The following MARK2 variants were observed in gnomAD, a reference collection of about 807,000 sequenced individuals.
MARK2 encodes the protein microtubule affinity regulating kinase 2, also known as serine/threonine-protein kinase MARK2.
In MARK2, 16 loss-of-function variants were observed where a neutral mutation model predicts 89.8. The ratio of observed to expected loss-of-function variants is 0.18; its 90% CI spans 0.12 to 0.27. The LOEUF (loss-of-function observed/expected upper bound fraction) is 0.27, where lower values mean the gene tolerates loss of function less well. MARK2 is among the 10% of genes least tolerant of loss of function. The probability of loss-of-function intolerance (pLI) is 1.00; values close to 1 mark genes in which losing one functional copy is unlikely to be tolerated. For synonymous variants in MARK2, 382 were observed against 399.5 expected (o/e 0.96, Z 0.52); for missense variants, 621 against 1,049.9 (o/e 0.59, Z 5.65).
At chr11:63,846,367 T>G (rs1046216611) in intron 1 of MARK2, among the ~76,000 whole-genome samples, 1 of 151,966 alleles carries the variant, frequency 6.6e-6, no homozygotes, top group Admixed American at 6.6e-5. Flanking sequence ...AAAAAAATTT[T>G]TTTTTTGAGA....
At chr11:63,883,120 C>T (rs907377107) in intron 1 of MARK2, among the ~76,000 whole-genome samples, 2 of 152,184 alleles carry the variant, frequency 1.3e-5, no homozygotes, top group African/African-American at 4.8e-5. Context: ...TCCCTCAGCC[C>T]TTGGCACCAT....
At chr11:63,858,566 G>A (rs1239889021) in intron 1 of MARK2, among the ~76,000 whole-genome samples, 1 of 151,394 alleles carries the variant, frequency 6.6e-6, no homozygotes, top group Non-Finnish European at 1.5e-5. Flanking sequence ...TGTTGTTCAG[G>A]CTGGTCTCGA....
chr11:63,894,670 T>A (rs1316145934), intron 1 of MARK2, among the ~76,000 whole-genome samples: 1 of 152,178 alleles, frequency 6.6e-6, no homozygotes, highest in African/African-American at 2.4e-5. Context: ...CACTCCAGCC[T>A]GGGCAACAAG....
At chr11:63,888,694 G>C in intron 1 of MARK2, 1 of 1,186,282 alleles carries the variant, frequency 8.4e-7, no homozygotes. Context: ...GCCAAACCCA[G>C]TCTCTCTGCT....
At chr11:63,889,850 C>T (rs1225296682) in intron 1 of MARK2, among the ~76,000 whole-genome samples, 2 of 152,204 alleles carry the variant, frequency 1.3e-5, no homozygotes, top group Admixed American at 6.5e-5. Flanking sequence ...TCCTTTAGGG[C>T]CTGTCTAGAG....
chr11:63,888,466 GTGGGGCTGCCC>G, intron 1 of MARK2: 2 of 971,872 alleles, frequency 2.1e-6, no homozygotes, highest in Non-Finnish European at 2.5e-6. Flanking sequence ...CTTGGGGAGG[GTGGGGCTGCCC>G]ACTTCCGGGG....
At position 63,899,123 on chromosome 11, in the gene MARK2, TCTC is replaced by T. The variant is rs756746620; in HGVS notation, c.531+18_531+20del. 3 of 1,586,312 alleles carry T rather than the reference TCTC, an allele frequency of 1.9e-6. No individual in the cohort carries two copies. The highest frequency in any genetic ancestry group is 1.7e-5 in the Admixed American group (1 of 60,006). On this transcript the variant is annotated intron_variant, in intron 7 of 18. Coordinates refer to ENST00000402010, the MANE Select transcript of MARK2 (RefSeq NM_001039469.3). Reference sequence around the variant, plus strand: ...GAGACTTAAAGGTAAGGCATGCACTTCTCCTTGTGCCTTTGAGTGGGAGCCAGG... The same window carrying T: ...GAGACTTAAAGGTAAGGCATGCACTTCTTGTGCCTTTGAGTGGGAGCCAGG...
At chr11:63,870,487 G>A (rs550206804) in intron 1 of MARK2, among the ~76,000 whole-genome samples, 5 of 152,164 alleles carry the variant, frequency 3.3e-5, no homozygotes, top group Admixed American at 6.5e-5. Context: ...CGAGAAAAGC[G>A]AGAAGACTCT....
At chr11:63,840,404 G>C (rs1484403476) in intron 1 of MARK2, among the ~76,000 whole-genome samples, 1 of 152,086 alleles carries the variant, frequency 6.6e-6, no homozygotes, top group Non-Finnish European at 1.5e-5. Flanking sequence ...GTTTCTCTCT[G>C]TGAGTGTTCT....
intron 1 of MARK2, chr11:63,889,060 C>T (rs1939609678): frequency 2.2e-6 from 2 of 898,330 alleles, no homozygotes; most frequent in Non-Finnish European, 3.2e-6. Flanking sequence ...AAGGGGCGCC[C>T]TGCCTGAGTC....
At chr11:63,889,826 A>G (rs188518485) in intron 1 of MARK2, among the ~76,000 whole-genome samples, 1 of 152,302 alleles carries the variant, frequency 6.6e-6, no homozygotes, top group Admixed American at 6.5e-5. Flanking sequence ...TCTACTCTTG[A>G]CAGACCTCCT....
At chr11:63,842,459 G>GC (rs1451242510) in intron 1 of MARK2, among the ~76,000 whole-genome samples, 1 of 151,788 alleles carries the variant, frequency 6.6e-6, no homozygotes, top group African/African-American at 2.4e-5. Context: ...TCGTGATCCG[G>GC]CCTCCCAAAG....
chr11:63,901,473 CTTTTTTTTTT>C (rs35231498), intron 11 of MARK2, among the ~76,000 whole-genome samples: 2 of 57,696 alleles, frequency 3.5e-5, no homozygotes, highest in African/African-American at 8.0e-5. Context: ...GAGTCTGTTG[CTTTTTTTTTT>C]TTTTTTTTTT....
rs540924870 is a variant in MARK2 at position 63,909,247 on chromosome 11, A to G, written c.*10A>G. ...CGAGCTGAAGCTTTAACAGGCTGCC[A>G]GGAGCGGGGGCGGCGGGGGCGGGCC... is the stretch of plus-strand genomic sequence containing the variant. On this transcript the variant is annotated 3_prime_UTR_variant, in exon 19 of 19. Coordinates refer to ENST00000402010, the MANE Select transcript of MARK2 (RefSeq NM_001039469.3). The G allele has an allele frequency of 3.8e-6, 6 of 1,577,640 alleles. No homozygotes were observed. In the Admixed American group the frequency reaches 5.1e-5, roughly 13 times the overall value.
chr11:63,889,181 C>G (rs959897766), intron 1 of MARK2, among the ~76,000 whole-genome samples: 1 of 152,094 alleles, frequency 6.6e-6, no homozygotes, highest in African/African-American at 2.4e-5. Context: ...AGCAGCTTGA[C>G]AAGTGGGCGA....
chr11:63,849,820 G>T (rs2016475731), intron 1 of MARK2: 1 of 152,204 alleles, frequency 6.6e-6, no homozygotes, highest in South Asian at 2.1e-4. Context: ...ATCCTCTCCT[G>T]TGATCTTAGG....
At chr11:63,891,239 C>T (rs1188374342) in intron 1 of MARK2, among the ~76,000 whole-genome samples, 1 of 151,988 alleles carries the variant, frequency 6.6e-6, no homozygotes, top group Non-Finnish European at 1.5e-5. Flanking sequence ...AAGGCATGAG[C>T]CACTGTGCCT....
Position 63,839,449 on chromosome 11 carries a change from C to G in MARK2, c.-58C>G. On this transcript the variant is annotated 5_prime_UTR_variant, in exon 1 of 19. Coordinates refer to ENST00000402010, the MANE Select transcript of MARK2 (RefSeq NM_001039469.3). ...AGCCCCGCCCGGCCGGGCTCCGCGC[C>G]TTCCCTTCCCTCCCTTCCTCCAAGC... is the stretch of plus-strand genomic sequence containing the variant. 1 of 1,129,280 alleles carries G rather than the reference C, an allele frequency of 8.9e-7. No individual in the cohort carries two copies. The highest frequency in any genetic ancestry group is 1.3e-6 in the Non-Finnish European group (1 of 778,580). 70.0% of individuals were successfully genotyped at this position (1,129,280 alleles called of 1,614,324 possible).
intron 16 of MARK2, among the ~76,000 whole-genome samples, 172 bp from the exon 17 acceptor site, chr11:63,905,916 G>T (rs1941286614): frequency 6.6e-6 from 1 of 152,222 alleles, no homozygotes; most frequent in Admixed American, 6.5e-5. Flanking sequence ...TGCAGAGAGT[G>T]TGGGCAGGTC....
Sources: gnomAD v4.1 joint callset for allele counts (sites outside exome capture counted in the v4.1 genomes callset) on GRCh38, gnomAD v4.1.1 for gene constraint, MANE v1.5 for transcripts, NCBI Gene and HGNC (gene_info 2026-07-23, HGNC 2026-07-21) for gene names.